The following PGAP1 variants were observed in gnomAD, a reference collection of about 807,000 sequenced individuals.
PGAP1 encodes the protein post-GPI attachment to proteins inositol deacylase 1.
A neutral mutation model predicts 127.0 loss-of-function variants in PGAP1; 76 were observed. The observed-to-expected ratio is 0.60, with a 90% CI of 0.50 to 0.72. The LOEUF (loss-of-function observed/expected upper bound fraction) is 0.72. Among genes scored for constraint, PGAP1 ranks in the 30% least tolerant of loss-of-function variants. The pLI, the probability that PGAP1 is intolerant of heterozygous loss-of-function variation, is 0.00. For synonymous variants in PGAP1, 362 were observed against 366.5 expected (o/e 0.99, Z 0.14); for missense variants, 982 against 1,071.3 (o/e 0.92, Z 1.16).
chr2:196,898,334 G>T lies in PGAP1; in HGVS notation c.843C>A (p.Asp281Glu), dbSNP rs1176534322. 7 of 1,610,200 alleles carry T rather than the reference G, an allele frequency of 4.3e-6. No individual in the cohort carries two copies. Among genetic ancestry groups the T allele is most frequent in the Non-Finnish European group, 5.9e-6 (7 of 1,177,392 alleles). Residue 281 changes from aspartate to glutamate, a missense_variant, in exon 6 of 27, where the codon GAC (aspartate) becomes GAA (glutamate). Physicochemically the swap from Asp to Glu is conservative, Grantham distance 45. Coordinates refer to ENST00000354764, the MANE Select transcript of PGAP1 (RefSeq NM_024989.4). ...TAACTTACCACACAATGGAGAGGTG[G>T]TCTGTTGAGACCCAGGTCTTAGGCA... ...SAVPKTWVST[D>E]HLSIVWCKQL...
At chr2:196,871,031 T>G in intron 18 of PGAP1, 52 bp from the exon 19 acceptor site, 1 of 1,313,946 alleles carries the variant, frequency 7.6e-7, no homozygotes, top group Non-Finnish European at 1.1e-6. Context: ...TAAACTCCTT[T>G]ACATTTTATT....
chr2:196,871,117 T>G, intron 18 of PGAP1, 138 bp from the exon 19 acceptor site: 1 of 581,006 alleles, frequency 1.7e-6, no homozygotes, highest in Non-Finnish European at 3.0e-6. Context: ...GCACTCAAGA[T>G]CTTAAAGAAT....
chr2:196,847,834 T>C (rs1035332575), intron 21 of PGAP1, 113 bp downstream of exon 21: 1 of 721,058 alleles, frequency 1.4e-6, no homozygotes, highest in East Asian at 3.1e-5. Context: ...CCTCATTTAA[T>C]GAAACAAGTC....
chr2:196,859,683 C>A (rs1434550275), intron 20 of PGAP1, among the ~76,000 whole-genome samples: 4 of 152,154 alleles, frequency 2.6e-5, no homozygotes, highest in Admixed American at 6.5e-5. Flanking sequence ...AAGTGGGATT[C>A]ATCCTAGGAA....
intron 20 of PGAP1, among the ~76,000 whole-genome samples, chr2:196,857,247 GT>G (rs1700915643): frequency 6.6e-6 from 1 of 152,164 alleles, no homozygotes; most frequent in African/African-American, 2.4e-5. Flanking sequence ...TCCTCTATCT[GT>G]TAACTTGTTT....
At chr2:196,865,206 A>C (rs1701200927) in intron 19 of PGAP1, 126 bp from the exon 20 acceptor site, 1 of 561,518 alleles carries the variant, frequency 1.8e-6, no homozygotes, top group Admixed American at 4.0e-5. Context: ...TTCCAGTAAT[A>C]AGTATCAAAA....
In PGAP1 at chr2:196,873,714, A is replaced by G; in HGVS notation, c.1471T>C (p.Tyr491His). The stretch of plus-strand genomic sequence containing the variant: ...CCAAAGTTCAGAAGCTCTAGATTGT[A>G]GTATAGGCCATTTGTATTTAACACC... ...KVVLNTNGLY[Y>H]NLELLNFGQI... The change falls in exon 15 of 27, where the codon TAC becomes CAC. Residue 491 changes from tyrosine (Y) to histidine (H), a missense_variant. Transcript: ENST00000354764. 1 of 1,612,020 alleles carries G rather than the reference A, an allele frequency of 6.2e-7. No homozygotes were observed. Among genetic ancestry groups the G allele is most frequent in the Non-Finnish European group, 8.5e-7 (1 of 1,178,336 alleles).
At chr2:196,876,960 T>C (rs1701586953) in intron 13 of PGAP1, among the ~76,000 whole-genome samples, 1 of 152,084 alleles carries the variant, frequency 6.6e-6, no homozygotes, top group Non-Finnish European at 1.5e-5. Context: ...TAGCAATCAT[T>C]TATTGAACAG....
At position 196,865,005 on chromosome 2, in the gene PGAP1, A is replaced by T. The variant is rs771805552; in HGVS notation, c.1843T>A (p.Tyr615Asn). ...NILLAYRGQL[Y>N]SLFSTGCCLE... ...TTCTTACCTGTTGAGAAAAGAGAATATAACTGTCCTCTATAAGCAAGAAGG... is the reference window on the plus strand; with the variant it reads ...TTCTTACCTGTTGAGAAAAGAGAATTTAACTGTCCTCTATAAGCAAGAAGG... Residue 615 changes from tyrosine to asparagine, a missense_variant, in exon 20 of 27, where the codon TAT (tyrosine) becomes AAT (asparagine). Physicochemically the swap from Tyr to Asn is moderately radical, Grantham distance 143 (BLOSUM62 -2). Coordinates refer to ENST00000354764, the MANE Select transcript of PGAP1 (RefSeq NM_024989.4). 3.2e-5 allele frequency: 50 copies of T among 1,550,364 alleles called. No individual in the cohort carries two copies. The highest frequency in any genetic ancestry group is 4.5e-5 in the Admixed American group (2 of 44,070).
intron 7 of PGAP1, among the ~76,000 whole-genome samples, chr2:196,895,521 T>C (rs1039929288): frequency 1.3e-5 from 2 of 152,178 alleles, no homozygotes; most frequent in African/African-American, 4.8e-5. Context: ...AACCAAAAAA[T>C]GTTTGTGTTG....
At position 196,871,071 on chromosome 2, in the gene PGAP1, A is replaced by G. The variant is rs1701395611; in HGVS notation, c.1729-92T>C. 6.0e-6 allele frequency: 5 copies of G among 834,878 alleles called. No individual in the cohort carries two copies. The Admixed American group carries it at 7.4e-5, about 12-fold the overall frequency. 51.7% of individuals were successfully genotyped at this position (834,878 alleles called of 1,614,324 possible). A position where few individuals can be genotyped will look rare whatever the true frequency, so the allele number is the denominator to read the frequency against. ...TGAGCACTTATGCATATCTCTAAGC[A>G]TAATAATTGATTTTCTATAATGGTA... On this transcript the variant is annotated intron_variant, in intron 18 of 26. Transcript: ENST00000354764.
chr2:196,853,304 C>G (rs1479144488), intron 20 of PGAP1, among the ~76,000 whole-genome samples: 1 of 152,236 alleles, frequency 6.6e-6, no homozygotes, highest in Non-Finnish European at 1.5e-5. Flanking sequence ...AGGCCGAAAT[C>G]TTCATCTAGA....
At chr2:196,860,605 T>C (rs938280814) in intron 20 of PGAP1, among the ~76,000 whole-genome samples, 2 of 152,136 alleles carry the variant, frequency 1.3e-5, no homozygotes, top group African/African-American at 2.4e-5. Context: ...AATTAAATTA[T>C]ATCTAGGAAT....
At chr2:196,843,770 A>G in intron 25 of PGAP1, 118 bp downstream of exon 25, 1 of 496,914 alleles carries the variant, frequency 2.0e-6, no homozygotes, top group Non-Finnish European at 3.2e-6. Context: ...ATTTCAGGTA[A>G]TGTATAGCTT....
At chr2:196,920,250 A>C in intron 1 of PGAP1, 100 bp from the exon 2 acceptor site, 1 of 993,948 alleles carries the variant, frequency 1.0e-6, no homozygotes, top group Non-Finnish European at 1.4e-6. Flanking sequence ...AAATAGTGCA[A>C]TATAAAAATA....
At chr2:196,842,856 C>T in intron 25 of PGAP1, 31 bp from the exon 26 acceptor site, 1 of 1,010,482 alleles carries the variant, frequency 9.9e-7, no homozygotes, top group Non-Finnish European at 1.5e-6. Context: ...ACCCACAAAT[C>T]AACAATGACC....
chr2:196,916,376 C>T lies in PGAP1; in HGVS notation c.477+42G>A, dbSNP rs376141060. On this transcript the variant is annotated intron_variant, in intron 3 of 26. Coordinates refer to ENST00000354764, the MANE Select transcript of PGAP1 (RefSeq NM_024989.4). ...CTGAATCCCTTTTTTAAAAAGGTGC[C>T]GATAGGTTGCACCACTATTGATTTG... 18 of 1,469,564 alleles carry T rather than the reference C, an allele frequency of 1.2e-5. No individual in the cohort carries two copies. The African/African-American group carries it at 2.1e-4, about 18-fold the overall frequency. 91.0% of individuals were successfully genotyped at this position (1,469,564 alleles called of 1,614,324 possible). A position where few individuals can be genotyped will look rare whatever the true frequency, so the allele number is the denominator to read the frequency against.
At chr2:196,914,933 C>T (rs1479448902) in intron 3 of PGAP1, among the ~76,000 whole-genome samples, 1 of 151,844 alleles carries the variant, frequency 6.6e-6, no homozygotes, top group African/African-American at 2.4e-5. Context: ...CCTCCTACCT[C>T]AGCCTCCCAA....
At chr2:196,916,637 G>T (rs1273624955) in intron 2 of PGAP1, 44 bp from the exon 3 acceptor site, 26 of 1,494,220 alleles carry the variant, frequency 1.7e-5, no homozygotes, top group Non-Finnish European at 2.3e-5. Flanking sequence ...AATATTTACA[G>T]GTTTCATCCA....
Sources: gnomAD v4.1 joint callset for allele counts (sites outside exome capture counted in the v4.1 genomes callset) on GRCh38, gnomAD v4.1.1 for gene constraint, MANE v1.5 for transcripts, NCBI Gene and HGNC (gene_info 2026-07-23, HGNC 2026-07-21) for gene names.